PROX1: variants seen among roughly 807,000 people sequenced by gnomAD.
PROX1 encodes prospero homeobox protein 1.
PROX1 carries 7 observed loss-of-function variants against 58.8 expected under a neutral mutation model. That is an observed-to-expected ratio of 0.12 (90% CI 0.07 to 0.22). PROX1 has a LOEUF of 0.22. Among genes scored for constraint, PROX1 ranks in the 10% least tolerant of loss-of-function variants. The probability of loss-of-function intolerance (pLI) is 1.00; values close to 1 mark genes in which losing one functional copy is unlikely to be tolerated. For missense variants in PROX1, 675 were observed against 927.8 expected, an observed-to-expected ratio of 0.73 and a Z score of 3.54; for synonymous variants, 350 against 358.3, an observed-to-expected ratio of 0.98 and a Z score of 0.26.
chr1:214,007,035 A>T (rs1030825637), intron 3 of PROX1, among the ~76,000 whole-genome samples: 1 of 152,156 alleles, frequency 6.6e-6, no homozygotes, highest in African/African-American at 2.4e-5. Context: ...TATTAGAAAC[A>T]ATCATTTTTT....
intron 1 of PROX1, among the ~76,000 whole-genome samples, chr1:213,994,793 A>ATC (rs1298034274): frequency 7.1e-4 from 63 of 89,138 alleles, no homozygotes; most frequent in African/African-American, 2.3e-3. Flanking sequence ...ATATATATAT[A>ATC]TATATATATA....
chr1:214,005,277 G>T lies in PROX1; in HGVS notation c.1833+5G>T, dbSNP rs1558175548. 6.3e-7 allele frequency: 1 copy of T among 1,596,192 alleles called. No homozygotes were observed. Among genetic ancestry groups the T allele is most frequent in the Non-Finnish European group, 8.6e-7 (1 of 1,167,878 alleles). ...ACCTACTTCTCCGACGTAAAGGTAGGGACTTTTTTTATTCTTAATTTTTTC... is the reference window on the plus strand; with the variant it reads ...ACCTACTTCTCCGACGTAAAGGTAGTGACTTTTTTTATTCTTAATTTTTTC... On this transcript the variant is annotated splice_donor_5th_base_variant and intron_variant, in intron 3 of 4. Transcript: ENST00000366958.
chr1:214,018,327 A>C (rs1255178676), intron 4 of PROX1, among the ~76,000 whole-genome samples: 1 of 152,248 alleles, frequency 6.6e-6, no homozygotes, highest in African/African-American at 2.4e-5. Flanking sequence ...TTTTGCTAAC[A>C]TCCTTTTTGA....
Position 214,036,450 on chromosome 1 carries a change from C to G in PROX1, c.*616C>G, listed in dbSNP as rs1664833063. The G allele has an allele frequency of 6.6e-6, 1 of 152,172 alleles. No homozygotes were observed. The highest frequency in any genetic ancestry group is 2.4e-5 in the African/African-American group (1 of 41,446). 9.4% of individuals were successfully genotyped at this position (152,172 alleles called of 1,614,324 possible). A position where few individuals can be genotyped will look rare whatever the true frequency, so the allele number is the denominator to read the frequency against. ...AAAAATAATCACTCTCAAGCCTTGT[C>G]TAAGAAAAGAGGCAAACTCTGAAAG... On this transcript the variant is annotated 3_prime_UTR_variant, in exon 5 of 5. Coordinates refer to ENST00000366958, the MANE Select transcript of PROX1 (RefSeq NM_001270616.2).
chr1:213,990,352 G>T (rs1469447453), intron 1 of PROX1, among the ~76,000 whole-genome samples: 2 of 142,648 alleles, frequency 1.4e-5, no homozygotes, highest in Admixed American at 7.6e-5. Context: ...ATGAATTTAT[G>T]GTTGTCCTGG....
chr1:213,984,581 G>A (rs1033281601), upstream of PROX1: 1 of 152,520 alleles, frequency 6.6e-6, no homozygotes, highest in African/African-American at 2.4e-5. Context: ...AACAAATCCA[G>A]GTTGGGCTTG....
intron 1 of PROX1, chr1:213,989,761 C>A (rs115210578): frequency 6.6e-6 from 1 of 152,194 alleles, no homozygotes; most frequent in South Asian, 2.1e-4. Flanking sequence ...AGTGATGGAG[C>A]GTGGGGATGG....
chr1:214,008,511 C>T (rs1244826224), intron 3 of PROX1, among the ~76,000 whole-genome samples: 4 of 152,120 alleles, frequency 2.6e-5, no homozygotes, highest in Non-Finnish European at 4.4e-5. Flanking sequence ...CAAAGCCACA[C>T]TTGGAGGATA....
At position 214,037,580 on chromosome 1, in the gene PROX1, G is replaced by T. The variant is rs1207201078; in HGVS notation, c.*1746G>T. 1 of 152,080 alleles carries T rather than the reference G, an allele frequency of 6.6e-6. No homozygotes were observed. The allele number at this position is 152,080 out of a possible 1,614,324, so 9.4% of individuals were successfully genotyped here. A position where few individuals can be genotyped will look rare whatever the true frequency, so the allele number is the denominator to read the frequency against. On this transcript the variant is annotated 3_prime_UTR_variant, in exon 5 of 5. Coordinates refer to ENST00000366958, the MANE Select transcript of PROX1 (RefSeq NM_001270616.2). ...AAACCTGCTGACTTTAAATTAAATGGTGCAGTCCTATGATGCCCTGCACCA... is the reference window on the plus strand; with the variant it reads ...AAACCTGCTGACTTTAAATTAAATGTTGCAGTCCTATGATGCCCTGCACCA...
intron 3 of PROX1, among the ~76,000 whole-genome samples, chr1:214,008,426 C>CA (rs112156335): frequency 1.4e-5 from 2 of 146,504 alleles, no homozygotes; most frequent in East Asian, 1.9e-4. Flanking sequence ...ACAACAACAA[C>CA]AAAAAAAACC....
chr1:214,008,959 G>A (rs920426976), intron 3 of PROX1, among the ~76,000 whole-genome samples: 1 of 152,156 alleles, frequency 6.6e-6, no homozygotes, highest in Non-Finnish European at 1.5e-5. Flanking sequence ...TCGATGGGCC[G>A]CACCAGCTCC....
chr1:213,984,851 T>C (rs188604432), upstream of PROX1: 3 of 152,606 alleles, frequency 2.0e-5, no homozygotes, highest in East Asian at 1.9e-4. Flanking sequence ...ATTCTCAGAA[T>C]TGGTTTGTTT....
rs906835230 is a variant in PROX1, at chr1:214,028,035, G to A, written c.2029-7614G>A. ...ACAGCAAAACATGTAACTAGAAAGTGGGCCCAAACTGCATGGGTATTAGAC... is the reference window on the plus strand; with the variant it reads ...ACAGCAAAACATGTAACTAGAAAGTAGGCCCAAACTGCATGGGTATTAGAC... On this transcript the variant is annotated intron_variant, in intron 4 of 4. Transcript: ENST00000366958. 4.6e-5 allele frequency among the ~76,000 whole-genome samples: 7 copies of A among 151,904 alleles called. No homozygotes were observed. The South Asian group carries it at 1.5e-3, about 32-fold the overall frequency.
chr1:214,012,170 T>C (rs1222705191), intron 4 of PROX1, among the ~76,000 whole-genome samples: 1 of 152,226 alleles, frequency 6.6e-6, no homozygotes, highest in Non-Finnish European at 1.5e-5. Context: ...GGAGTGATCA[T>C]GGTTTCTGAC....
At chr1:214,026,252 T>C (rs937319652) in intron 4 of PROX1, among the ~76,000 whole-genome samples, 1 of 152,226 alleles carries the variant, frequency 6.6e-6, no homozygotes, top group African/African-American at 2.4e-5. Context: ...GTGACAATTA[T>C]GTTTCCTAAC....
chr1:213,999,909 A>C (rs949308204), intron 2 of PROX1, among the ~76,000 whole-genome samples: 4 of 152,188 alleles, frequency 2.6e-5, no homozygotes, highest in Non-Finnish European at 5.9e-5. Flanking sequence ...TGCCCTTTGC[A>C]AAAAGAGCAT....
At chr1:213,999,185 C>T (rs1269580221) in intron 2 of PROX1, among the ~76,000 whole-genome samples, 1 of 152,046 alleles carries the variant, frequency 6.6e-6, no homozygotes, top group Admixed American at 6.5e-5. Context: ...AGGCCTATCC[C>T]GAACTCCAGC....
intron 1 of PROX1, among the ~76,000 whole-genome samples, chr1:213,991,356 T>C (rs1318874109): frequency 6.6e-6 from 1 of 152,218 alleles, no homozygotes; most frequent in East Asian, 1.9e-4. Flanking sequence ...AGTTATTGTT[T>C]CCATGAAAAT....
intron 1 of PROX1, among the ~76,000 whole-genome samples, chr1:213,991,261 T>C (rs1473071604): frequency 6.6e-6 from 1 of 152,196 alleles, no homozygotes; most frequent in African/African-American, 2.4e-5. Flanking sequence ...AAAATTATCT[T>C]TAAACAGACT....
Sources: allele counts gnomAD v4.1 joint callset (sites outside exome capture counted in the v4.1 genomes callset), GRCh38; gene constraint gnomAD v4.1.1; transcripts MANE v1.5; gene names NCBI Gene and HGNC (gene_info 2026-07-23, HGNC 2026-07-21).